The following PARD3 variants were observed in gnomAD, a reference collection of about 807,000 sequenced individuals.
PARD3 encodes partitioning defective 3 homolog.
A neutral mutation model predicts 155.4 loss-of-function variants in PARD3; 75 were observed. The ratio of observed to expected loss-of-function variants is 0.48; its 90% CI spans 0.40 to 0.58. The LOEUF is 0.58. Ranked by LOEUF, PARD3 falls within the 20% of genes least tolerant of loss-of-function variation. The pLI, the probability that PARD3 is intolerant of heterozygous loss-of-function variation, is 0.00. For missense variants in PARD3, 1,642 were observed against 1,721.7 expected, an observed-to-expected ratio of 0.95 and a Z score of 0.82; for synonymous variants, 576 against 610.5, an observed-to-expected ratio of 0.94 and a Z score of 0.83.
intron 2 of PARD3, among the ~76,000 whole-genome samples, chr10:34,519,162 T>G (rs1453913463): frequency 6.6e-6 from 1 of 151,992 alleles, no homozygotes; most frequent in Non-Finnish European, 1.5e-5. Flanking sequence ...ATTGTGCAAA[T>G]TGGAGGAGTC....
intron 1 of PARD3, among the ~76,000 whole-genome samples, chr10:34,788,134 T>A (rs1841209520): frequency 6.6e-6 from 1 of 152,066 alleles, no homozygotes; most frequent in South Asian, 2.1e-4. Flanking sequence ...GCAAGGGTCT[T>A]ACAAGACCAC....
In PARD3 at chr10:34,739,970, C is replaced by T. The variant is rs914693278; in HGVS notation, c.121-43551G>A. ...AGTTGGAAGGCAAGGACAGCTGCTA[C>T]GGTTCACCCTCCTACACACTGACCC... is the stretch of plus-strand genomic sequence containing the variant. On this transcript the variant is annotated intron_variant, in intron 1 of 24. Coordinates refer to ENST00000374788, the MANE Select transcript of PARD3 (RefSeq NM_001184785.2). 5.3e-5 allele frequency among the ~76,000 whole-genome samples: 8 copies of T among 152,268 alleles called. No individual in the cohort carries two copies. In the South Asian group the frequency reaches 1.4e-3, roughly 28 times the overall value.
At chr10:34,623,838 A>G (rs536443800) in intron 2 of PARD3, among the ~76,000 whole-genome samples, 4 of 152,192 alleles carry the variant, frequency 2.6e-5, no homozygotes, top group South Asian at 4.2e-4. Context: ...AAAATTAGCC[A>G]AGCATGGTGG....
intron 22 of PARD3, among the ~76,000 whole-genome samples, chr10:34,235,508 G>A (rs1340024870): frequency 1.3e-5 from 2 of 152,182 alleles, no homozygotes; most frequent in Non-Finnish European, 2.9e-5. Context: ...GGCATTATTT[G>A]CAATTGGTGG....
At chr10:34,127,957 G>A (rs1392144148) in intron 23 of PARD3, among the ~76,000 whole-genome samples, 1 of 152,202 alleles carries the variant, frequency 6.6e-6, no homozygotes, top group African/African-American at 2.4e-5. Flanking sequence ...TGCTACATGG[G>A]AATGACTCAA....
chr10:34,466,982 T>C (rs544379150), intron 4 of PARD3, among the ~76,000 whole-genome samples: 87 of 152,206 alleles, frequency 5.7e-4, no homozygotes, highest in African/African-American at 1.9e-3. Context: ...TATCACTTCA[T>C]CTAAAAATAT....
intron 13 of PARD3, 76 bp downstream of exon 13, chr10:34,359,994 TA>T: frequency 9.0e-7 from 1 of 1,106,494 alleles, no homozygotes; most frequent in South Asian, 1.4e-5. Flanking sequence ...GTTAACTGTA[TA>T]TGTTTCCAAA....
At chr10:34,444,610 T>A (rs895572405) in intron 5 of PARD3, among the ~76,000 whole-genome samples, 6 of 152,198 alleles carry the variant, frequency 3.9e-5, no homozygotes, top group Non-Finnish European at 8.8e-5. Flanking sequence ...AGGTGATTAG[T>A]CACTGAAAAC....
At chr10:34,346,608 T>C (rs1837458824) in intron 15 of PARD3, among the ~76,000 whole-genome samples, 1 of 151,886 alleles carries the variant, frequency 6.6e-6, no homozygotes, top group Admixed American at 6.6e-5. Flanking sequence ...GTACAGAAAA[T>C]CCAACAGCAG....
At chr10:34,545,452 T>G (rs1311154441) in intron 2 of PARD3, among the ~76,000 whole-genome samples, 2 of 152,172 alleles carry the variant, frequency 1.3e-5, no homozygotes, top group East Asian at 3.8e-4. Flanking sequence ...AGTAAGAAAT[T>G]TGTTGACATG....
intron 2 of PARD3, among the ~76,000 whole-genome samples, chr10:34,665,483 G>T (rs1215859306): frequency 6.6e-6 from 1 of 152,082 alleles, no homozygotes; most frequent in Non-Finnish European, 1.5e-5. Context: ...TTGTGCCGTT[G>T]CACTCCAGCC....
At chr10:34,321,294 A>T (rs935917609) in intron 19 of PARD3, among the ~76,000 whole-genome samples, 8 of 152,202 alleles carry the variant, frequency 5.3e-5, no homozygotes, top group Non-Finnish European at 1.2e-4. Flanking sequence ...GGCTTGATCT[A>T]TTGTGTTCAT....
chr10:34,575,962 G>C (rs1341168254), intron 2 of PARD3, among the ~76,000 whole-genome samples: 1 of 152,102 alleles, frequency 6.6e-6, no homozygotes, highest in Non-Finnish European at 1.5e-5. Context: ...TTCTAACTGA[G>C]ATGCACCAGG....
chr10:34,145,230 T>A (rs1218564707), intron 22 of PARD3, among the ~76,000 whole-genome samples: 39 of 116,516 alleles, frequency 3.3e-4, no homozygotes, highest in Non-Finnish European at 5.7e-4. Flanking sequence ...TATTTTTTTT[T>A]TTTTTTTTTT....
At chr10:34,578,702 A>T (rs967136373) in intron 2 of PARD3, among the ~76,000 whole-genome samples, 1 of 152,216 alleles carries the variant, frequency 6.6e-6, no homozygotes, top group Non-Finnish European at 1.5e-5. Context: ...TACAGAGGCC[A>T]CTGAGCCCTT....
At chr10:34,718,868 CAGG>C (rs1018051020) in intron 1 of PARD3, among the ~76,000 whole-genome samples, 9 of 152,030 alleles carry the variant, frequency 5.9e-5, no homozygotes, top group African/African-American at 2.2e-4. Flanking sequence ...GAGGCAGAGG[CAGG>C]AGAATTGTTT....
At chr10:34,262,312 T>G (rs925134093) in intron 22 of PARD3, among the ~76,000 whole-genome samples, 1 of 152,088 alleles carries the variant, frequency 6.6e-6, no homozygotes, top group Non-Finnish European at 1.5e-5. Flanking sequence ...TGTCACTGAT[T>G]CTGGAGTGCA....
intron 22 of PARD3, among the ~76,000 whole-genome samples, chr10:34,207,408 G>A (rs1329626157): frequency 6.6e-6 from 1 of 152,164 alleles, no homozygotes. Context: ...GTAATTGAAT[G>A]CAAACGAGTC....
intron 1 of PARD3, among the ~76,000 whole-genome samples, chr10:34,779,353 T>TA (rs1839977133): frequency 6.6e-6 from 1 of 150,972 alleles, no homozygotes; most frequent in African/African-American, 2.4e-5. Context: ...CTCACGCCTG[T>TA]AATCCCAGCA....
Sources: allele counts gnomAD v4.1 joint callset (sites outside exome capture counted in the v4.1 genomes callset), GRCh38; gene constraint gnomAD v4.1.1; transcripts MANE v1.5; gene names NCBI Gene and HGNC (gene_info 2026-07-23, HGNC 2026-07-21).